Variants in PIP5K1B observed in about 807,000 individuals in gnomAD.
PIP5K1B encodes the protein phosphatidylinositol-4-phosphate 5-kinase type 1 beta.
A neutral mutation model predicts 67.0 loss-of-function variants in PIP5K1B; 42 were observed. That is an observed-to-expected ratio of 0.63 (90% CI 0.49 to 0.81). The LOEUF (loss-of-function observed/expected upper bound fraction) is 0.81, where lower values mean the gene tolerates loss of function less well. PIP5K1B is among the 30% of genes least tolerant of loss of function. PIP5K1B has a pLI of 0.00. For missense variants in PIP5K1B, 459 were observed against 646.3 expected (o/e 0.71, Z 3.14); for synonymous variants, 214 against 231.4 (o/e 0.92, Z 0.68).
intron 2 of PIP5K1B, among the ~76,000 whole-genome samples, chr9:68,774,302 C>CTTT (rs1250874931): frequency 2.0e-5 from 3 of 152,058 alleles, no homozygotes; most frequent in African/African-American, 7.2e-5. Flanking sequence ...TGAAATGCAA[C>CTTT]TTTAGGGGTG....
chr9:68,767,364 C>T (rs991441696), intron 2 of PIP5K1B, among the ~76,000 whole-genome samples: 6 of 152,042 alleles, frequency 3.9e-5, no homozygotes, highest in Non-Finnish European at 7.4e-5. Context: ...GAGGCCGAGG[C>T]GGGTGGATCA....
chr9:68,769,955 G>C (rs1394252967), intron 2 of PIP5K1B, among the ~76,000 whole-genome samples: 1 of 152,166 alleles, frequency 6.6e-6, no homozygotes, highest in African/African-American at 2.4e-5. Flanking sequence ...CTTACCACCT[G>C]CCTACGGTGT....
chr9:68,768,764 T>C (rs1019209484), intron 2 of PIP5K1B, among the ~76,000 whole-genome samples: 1 of 152,242 alleles, frequency 6.6e-6, no homozygotes, highest in Admixed American at 6.5e-5. Context: ...TTGGGTGGAA[T>C]TGAGCAGTAG....
At chr9:68,812,053 G>A (rs544338579) in intron 2 of PIP5K1B, among the ~76,000 whole-genome samples, 26 of 152,202 alleles carry the variant, frequency 1.7e-4, no homozygotes, top group African/African-American at 6.0e-4. Flanking sequence ...ATGGAGGTGC[G>A]TGGGGTGGGA....
intron 6 of PIP5K1B, 71 bp downstream of exon 6, chr9:68,876,865 A>G (rs1266738173): frequency 1.2e-6 from 1 of 805,808 alleles, no homozygotes; most frequent in African/African-American, 1.7e-5. Flanking sequence ...AGCAACAGCA[A>G]CAAGTGGCTT....
intron 2 of PIP5K1B, among the ~76,000 whole-genome samples, chr9:68,777,740 C>T (rs1286740782): frequency 6.6e-6 from 1 of 152,096 alleles, no homozygotes; most frequent in Admixed American, 6.5e-5. Flanking sequence ...CAGACATGGA[C>T]GAACAATATC....
chr9:68,921,460 G>A (rs1826399179), intron 11 of PIP5K1B, among the ~76,000 whole-genome samples: 1 of 152,172 alleles, frequency 6.6e-6, no homozygotes, highest in South Asian at 2.1e-4. Flanking sequence ...GAAGGGGAGA[G>A]AGTGAATACC....
chr9:68,774,265 G>A (rs1345337181), intron 2 of PIP5K1B, among the ~76,000 whole-genome samples: 1 of 152,142 alleles, frequency 6.6e-6, no homozygotes, highest in Non-Finnish European at 1.5e-5. Flanking sequence ...TGAGGTTGCT[G>A]GAGTCTACTG....
intron 2 of PIP5K1B, among the ~76,000 whole-genome samples, chr9:68,796,805 C>A (rs1383104107): frequency 6.6e-6 from 1 of 152,208 alleles, no homozygotes; most frequent in East Asian, 1.9e-4. Flanking sequence ...AAGGTCACCA[C>A]CGTTTCCGTC....
At chr9:68,815,820 ATTT>A (rs1026366001) in intron 2 of PIP5K1B, among the ~76,000 whole-genome samples, 2 of 152,080 alleles carry the variant, frequency 1.3e-5, no homozygotes, top group Admixed American at 1.3e-4. Flanking sequence ...AAACATAAGG[ATTT>A]TTAATTTTAT....
At chr9:68,981,609 T>G (rs1387956819) in intron 14 of PIP5K1B, among the ~76,000 whole-genome samples, 1 of 152,150 alleles carries the variant, frequency 6.6e-6, no homozygotes, top group Non-Finnish European at 1.5e-5. Flanking sequence ...AGACAAAAAC[T>G]GTGGATAGTA....
At chr9:68,963,440 T>C (rs1057014218) in intron 14 of PIP5K1B, 2 of 280,288 alleles carry the variant, frequency 7.1e-6, no homozygotes, top group African/African-American at 2.2e-5. Context: ...GAGGTGGAGG[T>C]TGCAGTGAGC....
At chr9:68,755,611 G>A (rs1388882348) in intron 2 of PIP5K1B, among the ~76,000 whole-genome samples, 1 of 152,208 alleles carries the variant, frequency 6.6e-6, no homozygotes, top group Non-Finnish European at 1.5e-5. Context: ...GTTGTTTTGT[G>A]TCTGAGTAAT....
intron 9 of PIP5K1B, among the ~76,000 whole-genome samples, chr9:68,918,277 A>G (rs1826202018): frequency 6.6e-6 from 1 of 151,992 alleles, no homozygotes; most frequent in Non-Finnish European, 1.5e-5. Flanking sequence ...TTTAGTAGAG[A>G]TGGAGTTTCA....
chr9:68,709,180 T>C (rs1366674594), intron 1 of PIP5K1B, among the ~76,000 whole-genome samples: 5 of 152,198 alleles, frequency 3.3e-5, no homozygotes, highest in African/African-American at 1.2e-4. Flanking sequence ...GTTTAGCATT[T>C]ATATGTTTAA....
At chr9:68,813,584 A>T (rs1442550153) in intron 2 of PIP5K1B, among the ~76,000 whole-genome samples, 1 of 152,202 alleles carries the variant, frequency 6.6e-6, no homozygotes, top group Non-Finnish European at 1.5e-5. Flanking sequence ...AATTTTCAGT[A>T]CCTGTGCATG....
At chr9:68,840,472 C>T (rs1488805504) in intron 4 of PIP5K1B, among the ~76,000 whole-genome samples, 2 of 151,934 alleles carry the variant, frequency 1.3e-5, no homozygotes, top group Non-Finnish European at 2.9e-5. Flanking sequence ...GACTTAAAAA[C>T]ATTTATTATG....
rs1231645878 is a variant in PIP5K1B, at chr9:68,813,550, C to T, written c.-85-4911C>T. ...GAATTAACACCCGTGTATTATGTTC[C>T]CTAGAAAGATATGTTGAAGTCCTAA... is the stretch of plus-strand genomic sequence containing the variant. On this transcript the variant is annotated intron_variant, in intron 2 of 15. Transcript: ENST00000265382. 2.0e-5 allele frequency among the ~76,000 whole-genome samples: 3 copies of T among 152,134 alleles called. 1 individual carries two copies. Among genetic ancestry groups the T allele is most frequent in the African/African-American group, 7.2e-5 (3 of 41,422 alleles).
At chr9:68,908,679 TA>T (rs1825727956) in intron 8 of PIP5K1B, among the ~76,000 whole-genome samples, 2 of 152,212 alleles carry the variant, frequency 1.3e-5, no homozygotes, top group African/African-American at 4.8e-5. Context: ...TGGCTCTAAC[TA>T]AACTGGCACA....
Sources: gnomAD v4.1 joint callset for allele counts (sites outside exome capture counted in the v4.1 genomes callset) on GRCh38, gnomAD v4.1.1 for gene constraint, MANE v1.5 for transcripts, NCBI Gene and HGNC (gene_info 2026-07-23, HGNC 2026-07-21) for gene names.